CNBD1: variants seen among roughly 807,000 people sequenced by gnomAD.
The protein encoded by CNBD1 is cyclic nucleotide binding domain containing 1, also known as cyclic nucleotide-binding domain-containing protein 1.
A neutral mutation model predicts 54.4 loss-of-function variants in CNBD1; 71 were observed. The ratio of observed to expected loss-of-function variants is 1.30; its 90% CI spans 1.08 to 1.59. The LOEUF is 1.59. Among genes scored for constraint, CNBD1 ranks in the 40% most tolerant of loss-of-function variants. CNBD1 has a pLI of 0.00. For synonymous variants in CNBD1, 182 were observed against 170.7 expected, an observed-to-expected ratio of 1.07 and a Z score of -0.51; for missense variants, 659 against 518.0, an observed-to-expected ratio of 1.27 and a Z score of -2.64.
chr8:87,178,335 A>T (rs1451335228), intron 4 of CNBD1, among the ~76,000 whole-genome samples: 1 of 152,226 alleles, frequency 6.6e-6, no homozygotes, highest in East Asian at 1.9e-4. Context: ...CTCAATGAGA[A>T]GTTGACATTT....
chr8:86,909,529 G>GT (rs569396041), intron 3 of CNBD1, among the ~76,000 whole-genome samples: 2,061 of 148,576 alleles, frequency 0.014, 22 homozygotes, highest in South Asian at 0.036. Flanking sequence ...TTGCAGTGTG[G>GT]TTTTTTTTTT....
chr8:87,256,076 G>A (rs1808019176), intron 6 of CNBD1, among the ~76,000 whole-genome samples: 1 of 126,310 alleles, frequency 7.9e-6, no homozygotes, highest in Non-Finnish European at 1.6e-5. Flanking sequence ...AGGCTGGAGT[G>A]CAATGGTATG....
intron 3 of CNBD1, among the ~76,000 whole-genome samples, chr8:86,927,676 G>A (rs1205408864): frequency 1.3e-5 from 2 of 152,142 alleles, no homozygotes; most frequent in Non-Finnish European, 2.9e-5. Context: ...ACTGCAAAGA[G>A]TATGGTTAGT....
At chr8:86,881,970 G>A (rs1000570139) in intron 1 of CNBD1, among the ~76,000 whole-genome samples, 1 of 152,074 alleles carries the variant, frequency 6.6e-6, no homozygotes, top group African/African-American at 2.4e-5. Flanking sequence ...TGGGAAAACT[G>A]GCTAGCTATA....
chr8:87,373,972 A>G (rs1490008616), intron 10 of CNBD1, among the ~76,000 whole-genome samples: 1 of 151,786 alleles, frequency 6.6e-6, no homozygotes, highest in Non-Finnish European at 1.5e-5. Context: ...AACAGTTTTC[A>G]TCTGATGAAT....
At position 86,982,114 on chromosome 8, in the gene CNBD1, A is replaced by G. The variant is rs543374433; in HGVS notation, c.431+42360A>G. Among the ~76,000 whole-genome samples the G allele has an allele frequency of 2.0e-5, 3 of 152,258 alleles. No individual in the cohort carries two copies. In the South Asian group the frequency reaches 6.2e-4, roughly 32 times the overall value. On this transcript the variant is annotated intron_variant, in intron 4 of 10. Coordinates refer to ENST00000518476, the MANE Select transcript of CNBD1 (RefSeq NM_173538.3). ...ATTTTACCCATTCCTGTGAATGGATATGTTATTTTACTATGGATTTAATTT... is the reference window on the plus strand; with the variant it reads ...ATTTTACCCATTCCTGTGAATGGATGTGTTATTTTACTATGGATTTAATTT...
intron 4 of CNBD1, among the ~76,000 whole-genome samples, chr8:86,967,936 C>T (rs1220057575): frequency 1.3e-5 from 2 of 151,816 alleles, no homozygotes; most frequent in Non-Finnish European, 2.9e-5. Flanking sequence ...TTGATAATAG[C>T]GGTAAGGTGT....
chr8:87,377,326 C>T (rs1480799014), intron 10 of CNBD1, among the ~76,000 whole-genome samples: 1 of 149,082 alleles, frequency 6.7e-6, no homozygotes, highest in African/African-American at 2.5e-5. Context: ...CAACAGTCCC[C>T]AGAGTGCGAT....
At chr8:87,098,059 T>C (rs1048535716) in intron 4 of CNBD1, among the ~76,000 whole-genome samples, 1 of 152,232 alleles carries the variant, frequency 6.6e-6, no homozygotes, top group African/African-American at 2.4e-5. Flanking sequence ...TCAACAACTT[T>C]TACTGCAAAA....
intron 9 of CNBD1, among the ~76,000 whole-genome samples, chr8:87,352,569 G>A (rs981274066): frequency 6.6e-6 from 1 of 151,598 alleles, no homozygotes; most frequent in African/African-American, 2.4e-5. Context: ...GAATAGAAAT[G>A]TTACAGTATA....
chr8:87,220,603 C>A (rs1281398130), intron 5 of CNBD1, among the ~76,000 whole-genome samples: 2 of 150,296 alleles, frequency 1.3e-5, no homozygotes, highest in Non-Finnish European at 3.0e-5. Flanking sequence ...GGTTTTTAGA[C>A]CTTACCTCAG....
chr8:87,351,883 A>T, intron 9 of CNBD1, 89 bp downstream of exon 9: 1 of 1,213,458 alleles, frequency 8.2e-7, no homozygotes, highest in Non-Finnish European at 1.1e-6. Flanking sequence ...CTAGACATTT[A>T]TTTGTATTAC....
At chr8:87,335,251 A>G (rs1163386284) in intron 8 of CNBD1, among the ~76,000 whole-genome samples, 2 of 152,004 alleles carry the variant, frequency 1.3e-5, no homozygotes, top group East Asian at 3.9e-4. Flanking sequence ...TTGAATCCTG[A>G]ATATCCTCGT....
At chr8:86,963,983 G>A (rs1808005474) in intron 4 of CNBD1, among the ~76,000 whole-genome samples, 1 of 152,168 alleles carries the variant, frequency 6.6e-6, no homozygotes, top group African/African-American at 2.4e-5. Flanking sequence ...TGAGGTTTGT[G>A]AGCCTGCAAG....
At chr8:86,950,533 G>A (rs556750107) in intron 4 of CNBD1, among the ~76,000 whole-genome samples, 5 of 152,142 alleles carry the variant, frequency 3.3e-5, no homozygotes, top group East Asian at 3.9e-4. Flanking sequence ...ATGCATTGTT[G>A]TGTTTAGTTT....
chr8:87,292,742 C>T (rs1025095909), intron 8 of CNBD1, among the ~76,000 whole-genome samples: 5 of 152,102 alleles, frequency 3.3e-5, no homozygotes, highest in Non-Finnish European at 5.9e-5. Flanking sequence ...CCATTCTGCC[C>T]AGTATATATT....
In CNBD1 at chr8:87,329,388, C is replaced by G. The variant is rs145383628; in HGVS notation, c.1043-22297C>G. On this transcript the variant is annotated intron_variant, in intron 8 of 10. Coordinates refer to ENST00000518476, the MANE Select transcript of CNBD1 (RefSeq NM_173538.3). ...CAATATTGTATTGGCTATTCTGGGT[C>G]TTTTGCCTCTCCATACACAGTTTTG... is the stretch of plus-strand genomic sequence containing the variant. Among the ~76,000 whole-genome samples the G allele has an allele frequency of 5.4e-4, 82 of 152,162 alleles. 1 individual carries two copies. The highest frequency in any genetic ancestry group is 1.7e-3 in the African/African-American group (69 of 41,544).
intron 4 of CNBD1, among the ~76,000 whole-genome samples, chr8:87,195,578 T>A (rs538772775): frequency 0.04 from 5,948 of 150,288 alleles, 204 homozygotes; most frequent in Non-Finnish European, 0.061. Context: ...TTTTTTTTTT[T>A]AATTTTTATT....
At position 87,348,631 on chromosome 8, in the gene CNBD1, C is replaced by A. The variant is rs185510266; in HGVS notation, c.1043-3054C>A. Reference sequence around the variant, plus strand: ...CCTGAGATATATTCCTGTTCCAAACCTGTTTTGGTATGTTAGACTAGTAGG... The same window carrying A: ...CCTGAGATATATTCCTGTTCCAAACATGTTTTGGTATGTTAGACTAGTAGG... On this transcript the variant is annotated intron_variant, in intron 8 of 10. Transcript: ENST00000518476. Among the ~76,000 whole-genome samples, 3 of 152,196 alleles carry A rather than the reference C, an allele frequency of 2.0e-5. 1 individual carries two copies. The East Asian group carries it at 5.8e-4, about 29-fold the overall frequency.
Sources: allele counts gnomAD v4.1 joint callset (sites outside exome capture counted in the v4.1 genomes callset), GRCh38; gene constraint gnomAD v4.1.1; transcripts MANE v1.5; gene names NCBI Gene and HGNC (gene_info 2026-07-23, HGNC 2026-07-21).